DNMBP: variants seen among roughly 807,000 people sequenced by gnomAD.
The protein encoded by DNMBP is dynamin binding protein.
Under a neutral mutation model 150.0 loss-of-function variants are expected in DNMBP, and 87 were observed. That is an observed-to-expected ratio of 0.58 (90% CI 0.49 to 0.69). The LOEUF (loss-of-function observed/expected upper bound fraction) is 0.69. DNMBP is among the 30% of genes least tolerant of loss of function. The probability of loss-of-function intolerance (pLI) is 0.00; values close to 1 mark genes in which losing one functional copy is unlikely to be tolerated. For missense variants in DNMBP, 1,774 were observed against 1,949.0 expected (o/e 0.91, Z 1.69); for synonymous variants, 711 against 750.4 (o/e 0.95, Z 0.86).
intron 6 of DNMBP, among the ~76,000 whole-genome samples, chr10:99,900,680 G>A (rs777398445): frequency 6.6e-6 from 1 of 152,150 alleles, no homozygotes; most frequent in Middle Eastern, 3.4e-3. Flanking sequence ...CGCCCAGGCT[G>A]GAGTGCAGTG....
In DNMBP at chr10:99,897,936, A is replaced by G. The variant is rs113046685; in HGVS notation, c.2920+150T>C. On this transcript the variant is annotated intron_variant, in intron 9 of 16. Coordinates refer to ENST00000324109, the MANE Select transcript of DNMBP (RefSeq NM_015221.4). ...TCAAAAAAAATAATAATAAAATATC[A>G]TATTTCCCCCAAATTCTACCATTTC... 2,222 of 664,318 alleles carry G rather than the reference A, an allele frequency of 3.3e-3. 33 individuals carry two copies. Among genetic ancestry groups the G allele is most frequent in the African/African-American group, 0.03 (1,649 of 54,906 alleles). 41.2% of individuals were successfully genotyped at this position (664,318 alleles called of 1,614,324 possible).
In DNMBP at chr10:99,880,064, G is replaced by A; in HGVS notation, c.4295C>T (p.Ser1432Phe). ...LNPSNSESSP[S>F]RCPSDPDSTS... ...GGAGTCTGGGTCTGAAGGGCATCTGGAAGGACTACTCTCTGAATTACTCGG... is the reference window on the plus strand; with the variant it reads ...GGAGTCTGGGTCTGAAGGGCATCTGAAAGGACTACTCTCTGAATTACTCGG... Residue 1432 changes from serine (S) to phenylalanine (F), a missense_variant, in exon 16 of 17, where the codon TCC (serine) becomes TTC (phenylalanine). Transcript: ENST00000324109. 1 of 1,614,180 alleles carries A rather than the reference G, an allele frequency of 6.2e-7. No individual in the cohort carries two copies. Among genetic ancestry groups the A allele is most frequent in the Admixed American group, 1.7e-5 (1 of 60,012 alleles).
intron 15 of DNMBP, among the ~76,000 whole-genome samples, chr10:99,883,002 G>C (rs554719290): frequency 6.6e-6 from 1 of 152,150 alleles, no homozygotes; most frequent in Non-Finnish European, 1.5e-5. Context: ...AGCTGAGATC[G>C]TGCTGCTGCA....
intron 1 of DNMBP, among the ~76,000 whole-genome samples, chr10:99,988,892 T>C (rs778151481): frequency 2.0e-5 from 3 of 152,062 alleles, no homozygotes; most frequent in Non-Finnish European, 2.9e-5. Context: ...AAACTCCTGA[T>C]CTCAAGTGAT....
intron 1 of DNMBP, among the ~76,000 whole-genome samples, chr10:100,003,203 C>T (rs1283361106): frequency 6.6e-6 from 1 of 152,126 alleles, no homozygotes; most frequent in African/African-American, 2.4e-5. Context: ...AAAAATTAGC[C>T]AGGCGTGGTG....
In DNMBP at chr10:99,909,030, G is replaced by A; in HGVS notation, c.2377C>T (p.Leu793Phe). The change falls in exon 5 of 17, where the codon CTT becomes TTT. Residue 793 changes from leucine to phenylalanine, a missense_variant. Physicochemically the swap from Leu to Phe is conservative, Grantham distance 22. Transcript: ENST00000324109. ...EKRAKVIEEL[L>F]QTERDYIRDL... ...CGAATGTAGTCTCTTTCTGTCTGAA[G>A]AAGTTCTTCTATGACCTTGGCTCTC... 6 of 1,614,224 alleles carry A rather than the reference G, an allele frequency of 3.7e-6. No homozygotes were observed. Among genetic ancestry groups the A allele is most frequent in the Non-Finnish European group, 5.1e-6 (6 of 1,180,040 alleles).
chr10:99,936,560 G>C (rs1231164868), intron 4 of DNMBP, among the ~76,000 whole-genome samples: 1 of 150,158 alleles, frequency 6.7e-6, no homozygotes, highest in Non-Finnish European at 1.5e-5. Flanking sequence ...TGTTGCCCAG[G>C]CCGGAGTGCA....
chr10:99,956,562 C>T lies in DNMBP; in HGVS notation c.912G>A (p.Arg304=), dbSNP rs1338148199. The T allele has an allele frequency of 1.7e-5, 28 of 1,614,116 alleles. No individual in the cohort carries two copies. Among genetic ancestry groups the T allele is most frequent in the Non-Finnish European group, 2.4e-5 (28 of 1,180,014 alleles). ...GGGGCAGAGCCATGGTTTCCTCCAC[C>T]CGTGTGTCAGGACATAATTTCACAA... The part of the protein sequence containing the change: ...YRFVKLCPDT[R]VEETMALPQE... Residue 304 remains arginine, a synonymous_variant, in exon 4 of 17, where the codon CGG becomes CGA. Coordinates refer to ENST00000324109, the MANE Select transcript of DNMBP (RefSeq NM_015221.4).
At chr10:99,948,339 CA>C (rs1384440359) in intron 4 of DNMBP, among the ~76,000 whole-genome samples, 1 of 152,086 alleles carries the variant, frequency 6.6e-6, no homozygotes, top group Non-Finnish European at 1.5e-5. Context: ...TTTTAAAATA[CA>C]AGGTTATAAT....
chr10:99,953,550 T>G (rs546617438), intron 4 of DNMBP, among the ~76,000 whole-genome samples: 3 of 152,302 alleles, frequency 2.0e-5, no homozygotes, highest in African/African-American at 7.2e-5. Context: ...ATCTACTCCC[T>G]TGGCCAGGCA....
intron 4 of DNMBP, among the ~76,000 whole-genome samples, chr10:99,919,710 C>G (rs1795673262): frequency 6.6e-6 from 1 of 152,210 alleles, no homozygotes; most frequent in Non-Finnish European, 1.5e-5. Flanking sequence ...TCGCTTGAAC[C>G]TGGGAAGCGG....
chr10:99,884,284 CCAGTCTCAGAAATGAGGCAGGGA>C, intron 14 of DNMBP, 75 bp from the exon 15 acceptor site: 7 of 1,348,040 alleles, frequency 5.2e-6, no homozygotes, highest in Non-Finnish European at 7.3e-6. Context: ...CAACATGTGG[CCAGTCTCAGAAATGAGGCAGGGA>C]CAGTCAGTCA....
Position 99,956,333 on chromosome 10 carries a change from C to A in DNMBP, c.1141G>T (p.Ala381Ser). The A allele has an allele frequency of 6.2e-7, 1 of 1,613,848 alleles. No individual in the cohort carries two copies. The highest frequency in any genetic ancestry group is 8.5e-7 in the Non-Finnish European group (1 of 1,179,984). Residue 381 changes from alanine to serine, a missense_variant, in exon 4 of 17, where the codon GCA becomes TCA. By Grantham distance (99) the Ala-to-Ser change is moderately conservative. Transcript: ENST00000324109. ...CCTGGGCTTCTCGGGGGCCCTCCTG[C>A]GGTGTCCTCGTCCTGATAAGAGTTT... ...DRNSYQDEDT[A>S]GGPPRSPGVE...
rs768467073 is a variant in DNMBP at position 99,948,764 on chromosome 10, A to C, written c.2260+6450T>G. On this transcript the variant is annotated intron_variant, in intron 4 of 16. Coordinates refer to ENST00000324109, the MANE Select transcript of DNMBP (RefSeq NM_015221.4). ...GATCACTTGAGGCTAGGAGTTCGAG[A>C]CCAGGCTGACCAACATGGTGAAACC... 6.6e-5 allele frequency among the ~76,000 whole-genome samples: 10 copies of C among 152,202 alleles called. No homozygotes were observed. The South Asian group carries it at 8.3e-4, about 13-fold the overall frequency.
chr10:99,946,650 C>A (rs528694406), intron 4 of DNMBP, among the ~76,000 whole-genome samples: 1 of 152,156 alleles, frequency 6.6e-6, no homozygotes, highest in Non-Finnish European at 1.5e-5. Flanking sequence ...TCAAACTACA[C>A]AAATCCTTGA....
At chr10:100,004,554 G>C (rs941231255) in intron 1 of DNMBP, among the ~76,000 whole-genome samples, 3 of 152,120 alleles carry the variant, frequency 2.0e-5, no homozygotes, top group African/African-American at 2.4e-5. Flanking sequence ...ATAGAGGAAA[G>C]CATGGATTTT....
chr10:99,913,150 T>C (rs1344491227), intron 4 of DNMBP, among the ~76,000 whole-genome samples: 1 of 152,096 alleles, frequency 6.6e-6, no homozygotes, highest in Non-Finnish European at 1.5e-5. Context: ...AAATTTTTAG[T>C]ATCCCGGACA....
chr10:99,993,741 T>A (rs548062754), intron 1 of DNMBP, among the ~76,000 whole-genome samples: 1 of 152,056 alleles, frequency 6.6e-6, no homozygotes, highest in Non-Finnish European at 1.5e-5. Context: ...GATTTGAGGC[T>A]GCAGTGAGCT....
chr10:99,974,137 A>G (rs1004013877), intron 1 of DNMBP, among the ~76,000 whole-genome samples: 7 of 152,206 alleles, frequency 4.6e-5, no homozygotes, highest in African/African-American at 1.4e-4. Flanking sequence ...TTATAAAAAA[A>G]AAAGTTAGAA....
Sources: allele counts gnomAD v4.1 joint callset (sites outside exome capture counted in the v4.1 genomes callset), GRCh38; gene constraint gnomAD v4.1.1; transcripts MANE v1.5; gene names NCBI Gene and HGNC (gene_info 2026-07-23, HGNC 2026-07-21).